The following MACROD2 variants were observed in gnomAD, a reference collection of about 807,000 sequenced individuals.
MACROD2 encodes ADP-ribose glycohydrolase MACROD2.
A neutral mutation model predicts 70.4 loss-of-function variants in MACROD2; 36 were observed. That is an observed-to-expected ratio of 0.51 (90% CI 0.39 to 0.68). The LOEUF (loss-of-function observed/expected upper bound fraction) is 0.68. MACROD2 is among the 30% of genes least tolerant of loss of function. The pLI is 0.00. For missense variants in MACROD2, 496 were observed against 538.4 expected (o/e 0.92, Z 0.78); for synonymous variants, 172 against 178.8 (o/e 0.96, Z 0.30).
At chr20:15,985,282 G>C (rs1261854301) in intron 13 of MACROD2, among the ~76,000 whole-genome samples, 1 of 152,082 alleles carries the variant, frequency 6.6e-6, no homozygotes, top group Non-Finnish European at 1.5e-5. Flanking sequence ...AACGGGTATG[G>C]AGGGCACACA....
At chr20:15,174,423 T>A (rs867027753) in intron 5 of MACROD2, among the ~76,000 whole-genome samples, 2 of 152,206 alleles carry the variant, frequency 1.3e-5, no homozygotes, top group Non-Finnish European at 2.9e-5. Context: ...TTTGGGTTGG[T>A]TCCAAGTCTT....
intron 4 of MACROD2, among the ~76,000 whole-genome samples, chr20:14,593,860 A>G (rs1297107717): frequency 6.6e-6 from 1 of 152,196 alleles, no homozygotes; most frequent in Non-Finnish European, 1.5e-5. Context: ...TTAACTAGAC[A>G]TTAAGAATTT....
At chr20:16,047,530 A>C (rs1568735250) in intron 17 of MACROD2, among the ~76,000 whole-genome samples, 1 of 152,122 alleles carries the variant, frequency 6.6e-6, no homozygotes, top group Admixed American at 6.5e-5. Flanking sequence ...GAGGCTTGTA[A>C]CTTCCGTTTT....
At chr20:15,301,610 T>TTTTTG in intron 6 of MACROD2, among the ~76,000 whole-genome samples, 1 of 145,844 alleles carries the variant, frequency 6.9e-6, no homozygotes, top group African/African-American at 2.5e-5. Flanking sequence ...TTTTTTTTTT[T>TTTTTG]TTTTGTAGAG....
intron 15 of MACROD2, among the ~76,000 whole-genome samples, chr20:16,001,216 G>A (rs2066704349): frequency 6.6e-6 from 1 of 152,136 alleles, no homozygotes; most frequent in Non-Finnish European, 1.5e-5. Flanking sequence ...GGTGGTATAA[G>A]GAGTACTTTG....
chr20:15,798,937 G>C (rs1421149259), intron 8 of MACROD2, among the ~76,000 whole-genome samples: 1 of 152,138 alleles, frequency 6.6e-6, no homozygotes, highest in Non-Finnish European at 1.5e-5. Context: ...CTAGGTTTTC[G>C]GGGATAGAAT....
intron 3 of MACROD2, among the ~76,000 whole-genome samples, chr20:14,364,706 C>T (rs572790740): frequency 6.6e-6 from 1 of 152,226 alleles, no homozygotes; most frequent in African/African-American, 2.4e-5. Flanking sequence ...GGAATTGTAC[C>T]GTATATGACC....
intron 6 of MACROD2, among the ~76,000 whole-genome samples, chr20:15,413,996 G>C (rs1009582941): frequency 1.3e-5 from 2 of 152,114 alleles, no homozygotes; most frequent in Non-Finnish European, 2.9e-5. Flanking sequence ...AGTAACCGAA[G>C]TCAAATGGTC....
intron 3 of MACROD2, among the ~76,000 whole-genome samples, chr20:14,248,810 A>C (rs986623247): frequency 6.6e-6 from 1 of 152,076 alleles, no homozygotes; most frequent in African/African-American, 2.4e-5. Context: ...CCATATTGGC[A>C]TATAATTTTT....
chr20:14,761,229 A>G (rs993782813), intron 5 of MACROD2, among the ~76,000 whole-genome samples: 1 of 152,066 alleles, frequency 6.6e-6, no homozygotes, highest in African/African-American at 2.4e-5. Context: ...TCTGCTCTGG[A>G]TTCTGAGAAT....
chr20:15,155,865 A>C (rs1047073999), intron 5 of MACROD2, among the ~76,000 whole-genome samples: 6 of 151,716 alleles, frequency 4.0e-5, no homozygotes, highest in South Asian at 2.1e-4. Flanking sequence ...AAAAAAAAAA[A>C]CATAAAATGA....
At chr20:16,044,539 A>T in intron 16 of MACROD2, 32 bp from the exon 17 acceptor site, 1 of 1,565,678 alleles carries the variant, frequency 6.4e-7, no homozygotes. Context: ...GGTTTAATGA[A>T]TATTTAACTT....
intron 5 of MACROD2, among the ~76,000 whole-genome samples, chr20:15,008,852 G>A (rs747068974): frequency 6.6e-6 from 1 of 152,176 alleles, no homozygotes. Flanking sequence ...TTTAAAAGAC[G>A]TACCTATTAC....
intron 4 of MACROD2, among the ~76,000 whole-genome samples, chr20:14,506,913 G>A (rs7262867): frequency 2.0e-4 from 31 of 152,110 alleles, no homozygotes; most frequent in Middle Eastern, 3.4e-3. Flanking sequence ...ATCACGCCAC[G>A]GCACTCCAGC....
Position 15,765,434 on chromosome 20 carries a change from A to G in MACROD2, c.646-97311A>G, listed in dbSNP as rs16996494. On this transcript the variant is annotated intron_variant, in intron 8 of 17. Transcript: ENST00000684519. ...ACTGATGATTCCCCTATTTACCAAT[A>G]AAGTGTGATCTAATTTTCATAACAG... Among the ~76,000 whole-genome samples the G allele has an allele frequency of 3.8e-3, 581 of 152,316 alleles. 4 individuals are homozygous for G. Among genetic ancestry groups the G allele is most frequent in the African/African-American group, 0.013 (549 of 41,566 alleles).
At chr20:15,132,107 A>C (rs978863709) in intron 5 of MACROD2, among the ~76,000 whole-genome samples, 3 of 152,080 alleles carry the variant, frequency 2.0e-5, no homozygotes, top group African/African-American at 7.2e-5. Flanking sequence ...CAAGCCAAGA[A>C]AAGGGCTAAG....
chr20:14,361,828 C>T (rs1376945493), intron 3 of MACROD2, among the ~76,000 whole-genome samples: 2 of 152,200 alleles, frequency 1.3e-5, no homozygotes, highest in Admixed American at 1.3e-4. Flanking sequence ...GACTCAGTAG[C>T]TAGGCATTCT....
intron 4 of MACROD2, among the ~76,000 whole-genome samples, chr20:14,509,817 T>G (rs189520973): frequency 6.6e-6 from 1 of 152,106 alleles, no homozygotes; most frequent in Admixed American, 6.5e-5. Flanking sequence ...AATATATTGG[T>G]ATTAAGATTC....
At chr20:14,898,096 A>C (rs964319177) in intron 5 of MACROD2, among the ~76,000 whole-genome samples, 1 of 152,192 alleles carries the variant, frequency 6.6e-6, no homozygotes, top group Non-Finnish European at 1.5e-5. Context: ...CTTTATAAAA[A>C]TCTTCAATGT....
Sources: gnomAD v4.1 joint callset for allele counts (sites outside exome capture counted in the v4.1 genomes callset) on GRCh38, gnomAD v4.1.1 for gene constraint, MANE v1.5 for transcripts, NCBI Gene and HGNC (gene_info 2026-07-23, HGNC 2026-07-21) for gene names.